Variants in MIR2052HG observed in about 807,000 individuals in gnomAD.
MIR2052HG encodes MIR2052 host gene.
intron 2 of MIR2052HG, among the ~76,000 whole-genome samples, chr8:74,671,650 C>T (rs1808993717): frequency 6.6e-6 from 1 of 152,106 alleles, no homozygotes; most frequent in Non-Finnish European, 1.5e-5. Context: ...TTACTGGTAA[C>T]AATGTGTGGA....
At chr8:74,711,472 T>C (rs959512101) in intron 4 of MIR2052HG, among the ~76,000 whole-genome samples, 2 of 152,190 alleles carry the variant, frequency 1.3e-5, no homozygotes, top group Admixed American at 1.3e-4. Flanking sequence ...TTGAGTTGAA[T>C]ACTGCCTCAA....
intron 4 of MIR2052HG, among the ~76,000 whole-genome samples, chr8:74,728,756 C>G (rs184712577): frequency 6.6e-6 from 1 of 152,262 alleles, no homozygotes; most frequent in Non-Finnish European, 1.5e-5. Flanking sequence ...GTATTCAAAG[C>G]AGAGGGCTCA....
chr8:74,691,246 C>A (rs1809236862), intron 2 of MIR2052HG, among the ~76,000 whole-genome samples: 1 of 152,152 alleles, frequency 6.6e-6, no homozygotes, highest in African/African-American at 2.4e-5. Context: ...ATCACTGGCT[C>A]TTTGCATCTT....
chr8:74,637,689 C>T (rs139094773), intron 2 of MIR2052HG, among the ~76,000 whole-genome samples: 370 of 152,252 alleles, frequency 2.4e-3, no homozygotes, highest in African/African-American at 8.7e-3. Context: ...CTACTCTCCT[C>T]CCTCCTTAGA....
At chr8:74,702,599 C>A in intron 3 of MIR2052HG, 3 of 195,042 alleles carry the variant, frequency 1.5e-5, no homozygotes, top group East Asian at 1.3e-4. Flanking sequence ...AAAGTTAAAA[C>A]CTAAAAAGGG....
At chr8:74,625,546 T>C (rs1808423233) in intron 2 of MIR2052HG, among the ~76,000 whole-genome samples, 1 of 152,228 alleles carries the variant, frequency 6.6e-6, no homozygotes, top group African/African-American at 2.4e-5. Flanking sequence ...AGCACAAATT[T>C]TGAAGTACAA....
intron 4 of MIR2052HG, among the ~76,000 whole-genome samples, chr8:74,709,404 T>C (rs1809443992): frequency 6.6e-6 from 1 of 152,072 alleles, no homozygotes; most frequent in Admixed American, 6.6e-5. Context: ...TCAGAATTTA[T>C]GCTAACAAAT....
At chr8:74,658,586 A>C (rs528670640) in intron 2 of MIR2052HG, among the ~76,000 whole-genome samples, 131 of 152,188 alleles carry the variant, frequency 8.6e-4, no homozygotes, top group Non-Finnish European at 1.6e-3. Context: ...AGGTTTCACC[A>C]TGTTGGCTAG....
At chr8:74,741,489 TTTG>T (rs780452233) in intron 4 of MIR2052HG, among the ~76,000 whole-genome samples, 1 of 152,186 alleles carries the variant, frequency 6.6e-6, no homozygotes, top group Non-Finnish European at 1.5e-5. Flanking sequence ...TCTACTTCAC[TTTG>T]TTGTTGTTGT....
intron 2 of MIR2052HG, among the ~76,000 whole-genome samples, chr8:74,653,813 A>G (rs1420582402): frequency 1.3e-5 from 2 of 152,232 alleles, no homozygotes; most frequent in African/African-American, 2.4e-5. Context: ...ACATGTACCC[A>G]TAATGTACAT....
intron 4 of MIR2052HG, chr8:74,752,366 G>T: frequency 5.1e-6 from 2 of 392,318 alleles, no homozygotes; most frequent in Non-Finnish European, 1.0e-5. Flanking sequence ...TCAATTAAAA[G>T]AATTTGATAA....
chr8:74,674,014 A>G (rs895837849), intron 2 of MIR2052HG, among the ~76,000 whole-genome samples: 1 of 150,758 alleles, frequency 6.6e-6, no homozygotes, highest in Non-Finnish European at 1.5e-5. Flanking sequence ...TTTTTTTTAA[A>G]CAAGCAATTA....
chr8:74,731,160 G>C (rs1199076628), intron 4 of MIR2052HG, among the ~76,000 whole-genome samples: 1 of 152,124 alleles, frequency 6.6e-6, no homozygotes, highest in African/African-American at 2.4e-5. Flanking sequence ...TTGTCATGAT[G>C]GTAGCGATAA....
chr8:74,673,625 C>G (rs1312754044), intron 2 of MIR2052HG, among the ~76,000 whole-genome samples: 1 of 151,854 alleles, frequency 6.6e-6, no homozygotes, highest in Non-Finnish European at 1.5e-5. Flanking sequence ...TGGCCAGGAC[C>G]ACGTCCATCA....
intron 4 of MIR2052HG, among the ~76,000 whole-genome samples, chr8:74,724,041 T>C (rs913578017): frequency 6.6e-6 from 1 of 152,214 alleles, no homozygotes; most frequent in African/African-American, 2.4e-5. Flanking sequence ...TTTGTGTTCT[T>C]TACAGTCTGT....
intron 5 of MIR2052HG, chr8:74,756,756 CTG>C (rs891568001): frequency 4.6e-5 from 7 of 152,144 alleles, no homozygotes; most frequent in Non-Finnish European, 1.0e-4. Flanking sequence ...TGTTTGATAT[CTG>C]TTTTTTCCCT....
intron 1 of MIR2052HG, chr8:74,604,211 T>C (rs879178757): frequency 1.6e-5 from 14 of 903,072 alleles, no homozygotes; most frequent in South Asian, 5.2e-5. Flanking sequence ...GTGAGAGTGA[T>C]ATTTAATCCA....
At chr8:74,687,068 A>G (rs1809188626) in intron 2 of MIR2052HG, among the ~76,000 whole-genome samples, 1 of 152,194 alleles carries the variant, frequency 6.6e-6, no homozygotes. Flanking sequence ...CAAAGAAGAC[A>G]TACAAATGGC....
chr8:74,660,174 C>T (rs1023826202), intron 2 of MIR2052HG, among the ~76,000 whole-genome samples: 1 of 152,162 alleles, frequency 6.6e-6, no homozygotes, highest in African/African-American at 2.4e-5. Context: ...CTTCTCGGCT[C>T]ACCTGAACCA....
Sources: allele counts gnomAD v4.1 joint callset (sites outside exome capture counted in the v4.1 genomes callset), GRCh38; gene constraint gnomAD v4.1.1; transcripts MANE v1.5; gene names NCBI Gene and HGNC (gene_info 2026-07-23, HGNC 2026-07-21).